Variants in PJA2 observed in about 807,000 individuals in gnomAD.
PJA2 encodes the protein E3 ubiquitin-protein ligase Praja-2.
Under a neutral mutation model 69.3 loss-of-function variants are expected in PJA2, and 25 were observed. The ratio of observed to expected loss-of-function variants is 0.36; its 90% CI spans 0.26 to 0.50. The LOEUF (loss-of-function observed/expected upper bound fraction) is 0.50. PJA2 is among the 20% of genes least tolerant of loss of function. PJA2 has a pLI of 0.96. For synonymous variants in PJA2, 308 were observed against 277.8 expected, an observed-to-expected ratio of 1.11 and a Z score of -1.08; for missense variants, 809 against 830.2, an observed-to-expected ratio of 0.97 and a Z score of 0.31.
intron 7 of PJA2, among the ~76,000 whole-genome samples, chr5:109,351,027 C>T (rs547557079): frequency 6.6e-6 from 1 of 151,472 alleles, no homozygotes; most frequent in East Asian, 1.9e-4. Context: ...ACTTCTTACC[C>T]ATTCACAGGG....
At chr5:109,361,590 G>A (rs1303099402) in intron 6 of PJA2, among the ~76,000 whole-genome samples, 1 of 152,186 alleles carries the variant, frequency 6.6e-6, no homozygotes, top group Non-Finnish European at 1.5e-5. Flanking sequence ...TTAATAAGGA[G>A]TGCAGTAAAA....
chr5:109,393,525 T>C (rs774891780), intron 1 of PJA2, among the ~76,000 whole-genome samples: 4 of 151,948 alleles, frequency 2.6e-5, no homozygotes, highest in Admixed American at 2.6e-4. Context: ...GTCCCACTTA[T>C]ATGGCAGGCT....
chr5:109,380,237 G>C (rs1043205758), intron 3 of PJA2, among the ~76,000 whole-genome samples: 1 of 151,532 alleles, frequency 6.6e-6, no homozygotes, highest in South Asian at 2.1e-4. Flanking sequence ...GGGAACGAAG[G>C]GTTCTTCAAT....
chr5:109,358,559 A>G (rs947798897), intron 6 of PJA2, among the ~76,000 whole-genome samples: 20 of 152,292 alleles, frequency 1.3e-4, no homozygotes, highest in Admixed American at 9.2e-4. Context: ...AGCGGGTCTC[A>G]GCAAATCCCA....
At chr5:109,354,365 A>G (rs1254817572) in intron 7 of PJA2, among the ~76,000 whole-genome samples, 2 of 135,992 alleles carry the variant, frequency 1.5e-5, no homozygotes, top group Non-Finnish European at 3.2e-5. Context: ...ATCTATATCT[A>G]GAGATATCTA....
chr5:109,360,216 CAG>C (rs1333794941), intron 6 of PJA2, among the ~76,000 whole-genome samples: 4 of 152,110 alleles, frequency 2.6e-5, no homozygotes, highest in African/African-American at 9.7e-5. Context: ...TACAGGAAGA[CAG>C]AGGAGTTAAG....
chr5:109,369,666 G>C (rs1283904946), intron 4 of PJA2, among the ~76,000 whole-genome samples: 1 of 152,104 alleles, frequency 6.6e-6, no homozygotes, highest in East Asian at 1.9e-4. Flanking sequence ...TTCAAGAAGT[G>C]ACATTCAAAT....
intron 1 of PJA2, among the ~76,000 whole-genome samples, chr5:109,403,557 CAAA>C (rs78887239): frequency 1.3e-4 from 17 of 129,082 alleles, no homozygotes; most frequent in Admixed American, 1.0e-3. Context: ...AACATAGATG[CAAA>C]AAAAAAAAAA....
At chr5:109,383,358 G>T in intron 2 of PJA2, 45 bp downstream of exon 2, 1 of 1,590,016 alleles carries the variant, frequency 6.3e-7, no homozygotes, top group Non-Finnish European at 8.6e-7. Context: ...GTACCCAGAG[G>T]AAAAAACAAG....
At position 109,362,913 on chromosome 5, in the gene PJA2, C is replaced by G. The variant is rs775064969; in HGVS notation, c.1579G>C (p.Ala527Pro). 1.7e-5 allele frequency: 28 copies of G among 1,613,826 alleles called. No homozygotes were observed. Among genetic ancestry groups the G allele is most frequent in the Non-Finnish European group, 2.4e-5 (28 of 1,179,796 alleles). The change falls in exon 6 of 10, where the codon GCT becomes CCT. Residue 527 changes from alanine to proline, a missense_variant. By Grantham distance (27) the Ala-to-Pro change is conservative. Coordinates refer to ENST00000361189, the MANE Select transcript of PJA2 (RefSeq NM_014819.5). ...TTATTGTTACCATCCAACATGAAAG[C>G]TGGCTGTGCAAATTCATTGGCAGGT... ...NEPANEFAQP[A>P]FMLDGNNNLE... is the part of the protein sequence containing the mutation.
chr5:109,407,799 T>C (rs760754926), intron 1 of PJA2, among the ~76,000 whole-genome samples: 11 of 151,676 alleles, frequency 7.3e-5, no homozygotes, highest in Admixed American at 4.6e-4. Flanking sequence ...GTTATACGTA[T>C]GAAGAAAAAA....
In PJA2 at chr5:109,334,899, G is replaced by A. The variant is rs563124308; in HGVS notation, c.*2332C>T. On this transcript the variant is annotated 3_prime_UTR_variant, in exon 10 of 10. Coordinates refer to ENST00000361189, the MANE Select transcript of PJA2 (RefSeq NM_014819.5). ...ATCCAGATCACAAATAATCTTAAGA[G>A]TTAAACAATTAAGAAACACAAAGAA... 2.9e-4 allele frequency: 44 copies of A among 152,410 alleles called. No individual in the cohort carries two copies. The highest frequency in any genetic ancestry group is 1.0e-3 in the African/African-American group (43 of 41,368). The allele number at this position is 152,410 out of a possible 1,614,324, so 9.4% of individuals were successfully genotyped here.
chr5:109,388,471 G>A (rs1190089857), intron 1 of PJA2, among the ~76,000 whole-genome samples: 1 of 152,086 alleles, frequency 6.6e-6, no homozygotes, highest in Non-Finnish European at 1.5e-5. Context: ...GTCCACTGCA[G>A]GACAACAAGT....
At chr5:109,392,282 C>G (rs760400168) in intron 1 of PJA2, among the ~76,000 whole-genome samples, 2 of 151,830 alleles carry the variant, frequency 1.3e-5, no homozygotes, top group Non-Finnish European at 2.9e-5. Context: ...TCAAACAGAC[C>G]GGGCATGGTG....
intron 8 of PJA2, 93 bp from the exon 9 acceptor site, chr5:109,344,404 A>T (rs775549717): frequency 3.2e-5 from 43 of 1,325,826 alleles, no homozygotes; most frequent in Non-Finnish European, 4.2e-5. Context: ...GATACCTCTG[A>T]AAGACGAAAG....
chr5:109,385,404 G>A (rs1016394530), intron 1 of PJA2, among the ~76,000 whole-genome samples: 4 of 152,282 alleles, frequency 2.6e-5, no homozygotes, highest in African/African-American at 9.6e-5. Context: ...AAAGAAGGTC[G>A]AGGTTGACTC....
chr5:109,370,466 T>C (rs1442298423), intron 4 of PJA2, among the ~76,000 whole-genome samples: 1 of 152,138 alleles, frequency 6.6e-6, no homozygotes, highest in Non-Finnish European at 1.5e-5. Context: ...AGCAAAGATA[T>C]AAAATCAACT....
At chr5:109,392,711 A>G (rs1470262363) in intron 1 of PJA2, among the ~76,000 whole-genome samples, 1 of 152,220 alleles carries the variant, frequency 6.6e-6, no homozygotes, top group East Asian at 1.9e-4. Flanking sequence ...TGAAACTGAT[A>G]CACATTACAT....
chr5:109,369,004 G>C (rs769320323), intron 4 of PJA2, among the ~76,000 whole-genome samples: 9 of 151,990 alleles, frequency 5.9e-5, no homozygotes, highest in Non-Finnish European at 1.2e-4. Flanking sequence ...TTAAAAGTGT[G>C]TGGCACCTCC....
Sources: allele counts gnomAD v4.1 joint callset (sites outside exome capture counted in the v4.1 genomes callset), GRCh38; gene constraint gnomAD v4.1.1; transcripts MANE v1.5; gene names NCBI Gene and HGNC (gene_info 2026-07-23, HGNC 2026-07-21).